PRKN: variants seen among roughly 807,000 people sequenced by gnomAD.
PRKN encodes the protein parkin RBR E3 ubiquitin protein ligase, also known as E3 ubiquitin-protein ligase parkin.
A neutral mutation model predicts 59.5 loss-of-function variants in PRKN; 56 were observed. The ratio of observed to expected loss-of-function variants is 0.94; its 90% CI spans 0.76 to 1.18. PRKN has a LOEUF of 1.18. Among genes scored for constraint, PRKN ranks in the 50% most tolerant of loss-of-function variants. The pLI is 0.00. For missense variants in PRKN, 657 were observed against 596.4 expected, an observed-to-expected ratio of 1.10 and a Z score of -1.06; for synonymous variants, 250 against 222.1, an observed-to-expected ratio of 1.13 and a Z score of -1.12.
rs936447362 is a variant in PRKN, at chr6:161,552,042, G to A, written c.934-3039C>T. Among the ~76,000 whole-genome samples the A allele has an allele frequency of 2.6e-5, 4 of 152,128 alleles. No individual in the cohort carries two copies. Among genetic ancestry groups the A allele is most frequent in the Non-Finnish European group, 4.4e-5 (3 of 68,036 alleles). On this transcript the variant is annotated intron_variant, in intron 8 of 11. Transcript: ENST00000366898. This position sits in a 1 kb window ranked among gnomAD's most constrained non-coding sequence, Gnocchi z 4.9. ...AAGAAGAAACGTATGAGTGATGAAG[G>A]AAGGGGAGGGCGGAGGAAGTCGGTA...
intron 5 of PRKN, among the ~76,000 whole-genome samples, chr6:162,010,255 T>TA (rs1380988199): frequency 8.0e-6 from 1 of 124,406 alleles, no homozygotes; most frequent in Non-Finnish European, 1.7e-5. Context: ...TTATACATAA[T>TA]ATATATTTTA....
At chr6:162,422,534 G>A (rs533098842) in intron 2 of PRKN, among the ~76,000 whole-genome samples, 39 of 152,298 alleles carry the variant, frequency 2.6e-4, no homozygotes, top group African/African-American at 8.4e-4. Context: ...CCCAATATTA[G>A]TGGTACTTTT....
chr6:161,879,977 G>T (rs757227696), intron 6 of PRKN, among the ~76,000 whole-genome samples: 4 of 152,066 alleles, frequency 2.6e-5, no homozygotes, highest in Non-Finnish European at 4.4e-5. Context: ...CAGAATAAAG[G>T]AAATTCTGTC....
intron 2 of PRKN, among the ~76,000 whole-genome samples, chr6:162,418,860 A>G: frequency 6.6e-6 from 1 of 150,720 alleles, no homozygotes; most frequent in Non-Finnish European, 1.5e-5. Flanking sequence ...CCTTCTCAGG[A>G]GGAGGGGAGG....
chr6:161,974,002 C>T (rs1438664108), intron 5 of PRKN, among the ~76,000 whole-genome samples: 1 of 152,226 alleles, frequency 6.6e-6, no homozygotes, highest in African/African-American at 2.4e-5. Context: ...CGCGTTGGCT[C>T]GCGCCTGTAA....
intron 1 of PRKN, among the ~76,000 whole-genome samples, chr6:162,632,888 A>G (rs2128222910): frequency 6.6e-6 from 1 of 152,260 alleles, no homozygotes; most frequent in Admixed American, 6.5e-5. Flanking sequence ...TTACAAGTAT[A>G]TTTTATAATC....
At chr6:161,875,239 G>C (rs1794690871) in intron 6 of PRKN, among the ~76,000 whole-genome samples, 1 of 148,590 alleles carries the variant, frequency 6.7e-6, no homozygotes, top group Non-Finnish European at 1.5e-5. Flanking sequence ...CTGTTTCCCA[G>C]GCTAGAGTGG....
intron 9 of PRKN, among the ~76,000 whole-genome samples, chr6:161,490,331 TGCTTGCTTTC>T (rs1219856031): frequency 1.8e-5 from 2 of 113,510 alleles, no homozygotes; most frequent in African/African-American, 2.7e-5. Context: ...CTTGCTTGCT[TGCTTGCTTTC>T]TCTCTCTCTC....
chr6:162,581,024 A>G (rs1400822808), intron 1 of PRKN, among the ~76,000 whole-genome samples: 1 of 152,222 alleles, frequency 6.6e-6, no homozygotes, highest in African/African-American at 2.4e-5. Context: ...AGTCAATGCT[A>G]GAAACCACTC....
rs114039017 is a variant in PRKN, at chr6:162,301,291, T to A, written c.172-38526A>T. 4.0e-3 allele frequency among the ~76,000 whole-genome samples: 606 copies of A among 152,232 alleles called. 5 individuals carry two copies. The highest frequency in any genetic ancestry group is 0.014 in the African/African-American group (577 of 41,522). ...TTCCAGGCCATTTAACCCCCAAGGC[T>A]ACTGATCTTTGTAGTATAGTCAAAG... is the stretch of plus-strand genomic sequence containing the variant. On this transcript the variant is annotated intron_variant, in intron 2 of 11. Transcript: ENST00000366898.
intron 8 of PRKN, among the ~76,000 whole-genome samples, chr6:161,553,895 A>G (rs1780133728): frequency 1.3e-5 from 2 of 152,206 alleles, no homozygotes; most frequent in South Asian, 4.1e-4. Context: ...GCTATCTGCT[A>G]TGGAAAATTA....
In PRKN at chr6:161,377,104, A is replaced by C. The variant is rs1187106980; in HGVS notation, c.1167+9690T>G. Among the ~76,000 whole-genome samples, 1 of 152,142 alleles carries C rather than the reference A, an allele frequency of 6.6e-6. No individual in the cohort carries two copies. Among genetic ancestry groups the C allele is most frequent in the African/African-American group, 2.4e-5 (1 of 41,424 alleles). ...GTGGATTCCAGGTGTCTGTGGAGGG[A>C]AAAGAGGTCACGTGGGGCTACCTGC... is the stretch of plus-strand genomic sequence containing the variant. On this transcript the variant is annotated intron_variant, in intron 10 of 11. Transcript: ENST00000366898. This position sits in a 1 kb window ranked among gnomAD's most constrained non-coding sequence, Gnocchi z 4.2.
intron 9 of PRKN, among the ~76,000 whole-genome samples, chr6:161,443,319 A>AG (rs1488279751): frequency 6.7e-5 from 10 of 149,368 alleles, no homozygotes; most frequent in African/African-American, 2.5e-4. Context: ...CAAAAAAAAA[A>AG]AAAAAAAATC....
intron 7 of PRKN, among the ~76,000 whole-genome samples, chr6:161,677,364 A>G (rs1258654258): frequency 6.6e-6 from 1 of 152,256 alleles, no homozygotes; most frequent in African/African-American, 2.4e-5. Flanking sequence ...GCATGGTATC[A>G]CATGATGTCA....
In PRKN at chr6:162,171,966, A is replaced by G. The variant is rs78416814; in HGVS notation, c.534+29165T>C. The stretch of plus-strand genomic sequence containing the variant: ...CACTACATAGCTCTTCCTTTGTGCT[A>G]CTCTTCTAAGCATTTTAAATACACT... On this transcript the variant is annotated intron_variant, in intron 4 of 11. Coordinates refer to ENST00000366898, the MANE Select transcript of PRKN (RefSeq NM_004562.3). Among the ~76,000 whole-genome samples, 657 of 152,162 alleles carry G rather than the reference A, an allele frequency of 4.3e-3. 5 individuals are homozygous for G. The highest frequency in any genetic ancestry group is 0.015 in the African/African-American group (632 of 41,520).
At chr6:162,299,223 G>A (rs1781829778) in intron 2 of PRKN, among the ~76,000 whole-genome samples, 2 of 152,178 alleles carry the variant, frequency 1.3e-5, no homozygotes, top group African/African-American at 4.8e-5. Flanking sequence ...TGGATGGTGG[G>A]ACGCTGCCCA....
chr6:162,210,876 G>A (rs1164514302), intron 3 of PRKN, among the ~76,000 whole-genome samples: 1 of 152,066 alleles, frequency 6.6e-6, no homozygotes, highest in Non-Finnish European at 1.5e-5. Context: ...GTATGGTTGT[G>A]GAATGGTACT....
At chr6:162,346,438 A>G (rs1245777749) in intron 2 of PRKN, among the ~76,000 whole-genome samples, 1 of 150,732 alleles carries the variant, frequency 6.6e-6, no homozygotes, top group Non-Finnish European at 1.5e-5. Flanking sequence ...CAACATAGTG[A>G]AAAATCTGTC....
At chr6:162,203,917 A>G (rs1379942887) in intron 3 of PRKN, among the ~76,000 whole-genome samples, 1 of 152,158 alleles carries the variant, frequency 6.6e-6, no homozygotes, top group Non-Finnish European at 1.5e-5. Context: ...AGATATTTCA[A>G]AAATTGTACA....
Sources: allele counts gnomAD v4.1 joint callset (sites outside exome capture counted in the v4.1 genomes callset), GRCh38; gene constraint gnomAD v4.1.1; non-coding constraint Gnocchi (gnomAD v3.1); transcripts MANE v1.5; gene names NCBI Gene and HGNC (gene_info 2026-07-23, HGNC 2026-07-21).